The following OPRM1 variants were observed in gnomAD, a reference collection of about 807,000 sequenced individuals.
The protein encoded by OPRM1 is opioid receptor mu 1, also known as mu-type opioid receptor.
OPRM1 carries 27 observed loss-of-function variants against 31.8 expected under a neutral mutation model. The ratio of observed to expected loss-of-function variants is 0.85; its 90% CI spans 0.63 to 1.17. OPRM1 has a LOEUF of 1.17. Ranked by LOEUF, OPRM1 falls within the 50% of genes most tolerant of loss-of-function variation. The probability of loss-of-function intolerance (pLI) is 0.00; values close to 1 mark genes in which losing one functional copy is unlikely to be tolerated. For missense variants in OPRM1, 536 were observed against 511.1 expected (o/e 1.05, Z -0.47); for synonymous variants, 196 against 189.9 (o/e 1.03, Z -0.26).
intron 1 of OPRM1, among the ~76,000 whole-genome samples, chr6:154,083,112 G>A (rs1789549192): frequency 6.6e-6 from 1 of 152,128 alleles, no homozygotes; most frequent in South Asian, 2.1e-4. Flanking sequence ...ACAAAAATGG[G>A]AAAGCAAGGT....
At chr6:154,213,327 A>C (rs965214157) in intron 3 of OPRM1, 5 of 159,200 alleles carry the variant, frequency 3.1e-5, no homozygotes, top group Admixed American at 6.2e-5. Flanking sequence ...ACGAAGCTAG[A>C]AGGTGGTGGA....
intron 1 of OPRM1, among the ~76,000 whole-genome samples, chr6:154,030,737 G>C (rs1778963199): frequency 6.6e-6 from 1 of 151,994 alleles, no homozygotes; most frequent in Non-Finnish European, 1.5e-5. Flanking sequence ...TAAAAATACA[G>C]AGAGATTAGA....
At chr6:154,212,900 C>T (rs760317455) in intron 3 of OPRM1, 23 of 1,311,398 alleles carry the variant, frequency 1.8e-5, no homozygotes, top group Non-Finnish European at 2.3e-5. Context: ...GCTGTCATCG[C>T]TTATTCCATA....
At chr6:154,032,531 G>A (rs1210770265) in intron 1 of OPRM1, among the ~76,000 whole-genome samples, 7 of 152,164 alleles carry the variant, frequency 4.6e-5, no homozygotes, top group Non-Finnish European at 1.0e-4. Flanking sequence ...AACCTCCTGG[G>A]CTCAAGTGAT....
intron 3 of OPRM1, among the ~76,000 whole-genome samples, chr6:154,198,308 G>T (rs565711716): frequency 1.4e-4 from 22 of 152,216 alleles, no homozygotes; most frequent in African/African-American, 5.3e-4. Context: ...CAAACCTGAG[G>T]GCGGGTTGAG....
At chr6:154,036,511 A>C (rs1779305314), upstream of OPRM1, among the ~76,000 whole-genome samples, 2 of 152,018 alleles carry the variant, frequency 1.3e-5, no homozygotes, top group African/African-American at 2.4e-5. Context: ...ACAGAATAAA[A>C]AAACAACTGT....
chr6:154,185,247 TG>T (rs531896266), intron 3 of OPRM1, among the ~76,000 whole-genome samples: 10 of 152,386 alleles, frequency 6.6e-5, no homozygotes, highest in Admixed American at 2.0e-4. Flanking sequence ...GAGGGTCTTC[TG>T]TATTTCCAGG....
chr6:154,223,371 C>G, intron 3 of OPRM1: 4 of 726,338 alleles, frequency 5.5e-6, no homozygotes, highest in Non-Finnish European at 9.6e-6. Flanking sequence ...ACCAACCACC[C>G]TGAATCACCA....
intron 3 of OPRM1, among the ~76,000 whole-genome samples, chr6:154,231,270 G>T (rs1046458318): frequency 6.6e-6 from 1 of 152,192 alleles, no homozygotes; most frequent in Non-Finnish European, 1.5e-5. Context: ...AAAAGTTCTA[G>T]TTCTATGGAG....
chr6:154,180,612 T>C (rs1206159927), intron 3 of OPRM1, among the ~76,000 whole-genome samples: 1 of 152,054 alleles, frequency 6.6e-6, no homozygotes, highest in African/African-American at 2.4e-5. Flanking sequence ...AGAATTTGGC[T>C]GTCGAGAACA....
chr6:154,087,583 G>T, intron 1 of OPRM1: 3 of 985,368 alleles, frequency 3.0e-6, no homozygotes, highest in Non-Finnish European at 2.4e-6. Flanking sequence ...TCAGGTGTGG[G>T]TCCTGCAGGA....
At chr6:154,073,236 G>T (rs952327285) in intron 1 of OPRM1, among the ~76,000 whole-genome samples, 6 of 152,096 alleles carry the variant, frequency 3.9e-5, no homozygotes, top group Non-Finnish European at 8.8e-5. Flanking sequence ...CCATAATGAG[G>T]CAGACTTCCA....
chr6:154,046,527 T>G (rs1201967909), intron 1 of OPRM1, among the ~76,000 whole-genome samples: 1 of 152,254 alleles, frequency 6.6e-6, no homozygotes, highest in East Asian at 1.9e-4. Context: ...ATCTTGTGAT[T>G]AATTGAGCTC....
chr6:154,225,829 C>T (rs1779204934), intron 3 of OPRM1, among the ~76,000 whole-genome samples: 1 of 152,198 alleles, frequency 6.6e-6, no homozygotes, highest in South Asian at 2.1e-4. Flanking sequence ...ATCACTTAGA[C>T]TCAGCATTTG....
chr6:154,109,186 A>G (rs917814655), intron 3 of OPRM1, among the ~76,000 whole-genome samples: 5 of 152,236 alleles, frequency 3.3e-5, no homozygotes, highest in Admixed American at 6.5e-5. Flanking sequence ...GCTCATGATT[A>G]CCCTGGGAAA....
chr6:154,246,612 C>G, intron 3 of OPRM1: 2 of 1,613,674 alleles, frequency 1.2e-6, no homozygotes, highest in African/African-American at 1.3e-5. Context: ...TATACCAGTA[C>G]AGTGACGACC....
intron 3 of OPRM1, 76 bp downstream of exon 3, chr6:154,091,548 T>A (rs1344416139): frequency 6.6e-7 from 1 of 1,505,350 alleles, no homozygotes; most frequent in Non-Finnish European, 8.8e-7. Flanking sequence ...AAACTAGGAG[T>A]TTAATCCATT....
At chr6:154,038,049 G>T (rs1031154720), upstream of OPRM1, among the ~76,000 whole-genome samples, 1 of 152,110 alleles carries the variant, frequency 6.6e-6, no homozygotes, top group Admixed American at 6.5e-5. Flanking sequence ...ATGCTTTAAT[G>T]TAAGAGGATA....
At chr6:154,096,714 A>C (rs181990727) in intron 3 of OPRM1, among the ~76,000 whole-genome samples, 1 of 152,304 alleles carries the variant, frequency 6.6e-6, no homozygotes, top group East Asian at 1.9e-4. Context: ...TCAAACAGCC[A>C]GGAAGAGGTA....
Sources: gnomAD v4.1 joint callset for allele counts (sites outside exome capture counted in the v4.1 genomes callset) on GRCh38, gnomAD v4.1.1 for gene constraint, MANE v1.5 for transcripts, NCBI Gene and HGNC (gene_info 2026-07-23, HGNC 2026-07-21) for gene names.